TAF3: variants seen among roughly 807,000 people sequenced by gnomAD.
TAF3 encodes TATA-box binding protein associated factor 3, also known as transcription initiation factor TFIID subunit 3.
In TAF3, 7 loss-of-function variants were observed where a neutral mutation model predicts 80.6. The observed-to-expected ratio is 0.09, with a 90% confidence interval of 0.05 to 0.16. TAF3 has a LOEUF of 0.16. Ranked by LOEUF, TAF3 falls within the 10% of genes least tolerant of loss-of-function variation. The probability of loss-of-function intolerance (pLI) is 1.00; values close to 1 mark genes in which losing one functional copy is unlikely to be tolerated. For missense variants in TAF3, 921 were observed against 1,140.2 expected (o/e 0.81, Z 2.77); for synonymous variants, 444 against 446.1 (o/e 1.00, Z 0.06).
chr10:7,825,589 ATTTGTC>A (rs145692152), intron 2 of TAF3, among the ~76,000 whole-genome samples: 25,836 of 151,980 alleles, frequency 0.17, 2,630 homozygotes, highest in East Asian at 0.52. Context: ...CTTGGACATT[ATTTGTC>A]TTTTTATGAC....
At chr10:8,008,664 C>T (rs1832019929) in intron 4 of TAF3, among the ~76,000 whole-genome samples, 1 of 152,226 alleles carries the variant, frequency 6.6e-6, no homozygotes, top group African/African-American at 2.4e-5. Flanking sequence ...GCACAGGCTG[C>T]TCCAGGTCCT....
chr10:8,000,536 A>T (rs949621754), intron 4 of TAF3, among the ~76,000 whole-genome samples: 1 of 151,790 alleles, frequency 6.6e-6, no homozygotes, highest in African/African-American at 2.4e-5. Flanking sequence ...GGAGGCCGAG[A>T]TGGGAGGATC....
chr10:7,901,389 A>G (rs1159479918), intron 2 of TAF3, among the ~76,000 whole-genome samples: 2 of 152,382 alleles, frequency 1.3e-5, no homozygotes, highest in South Asian at 4.1e-4. Flanking sequence ...AAACAAAGAA[A>G]TTAATTATCC....
At chr10:7,943,139 T>C (rs1046852542) in intron 2 of TAF3, among the ~76,000 whole-genome samples, 1 of 152,212 alleles carries the variant, frequency 6.6e-6, no homozygotes, top group Non-Finnish European at 1.5e-5. Context: ...TCCGGTTCCC[T>C]GTAGCTCCGT....
chr10:7,911,727 A>G (rs1837658492), intron 2 of TAF3, among the ~76,000 whole-genome samples: 1 of 152,234 alleles, frequency 6.6e-6, no homozygotes, highest in African/African-American at 2.4e-5. Context: ...TTTTTAAATC[A>G]GAAAAATTTT....
chr10:7,895,061 A>G (rs2131166224), intron 2 of TAF3, among the ~76,000 whole-genome samples: 1 of 152,286 alleles, frequency 6.6e-6, no homozygotes, highest in South Asian at 2.1e-4. Context: ...TTTTTAGTAG[A>G]GACAGAGTTT....
intron 2 of TAF3, among the ~76,000 whole-genome samples, chr10:7,959,670 A>G (rs1838170989): frequency 6.6e-6 from 1 of 152,192 alleles, no homozygotes; most frequent in East Asian, 1.9e-4. Context: ...GTAAACCAAT[A>G]TATTTTCTAA....
At chr10:7,909,645 C>T (rs545206594) in intron 2 of TAF3, among the ~76,000 whole-genome samples, 20 of 152,140 alleles carry the variant, frequency 1.3e-4, no homozygotes, top group Non-Finnish European at 2.5e-4. Context: ...GCAATGAATC[C>T]AGGGCAAAAG....
chr10:7,871,600 T>A (rs551845357), intron 2 of TAF3, among the ~76,000 whole-genome samples: 1 of 152,030 alleles, frequency 6.6e-6, no homozygotes, highest in South Asian at 2.1e-4. Context: ...TGTGCCACCA[T>A]GCCTGGCTAA....
chr10:7,888,639 G>A (rs915558773), intron 2 of TAF3, among the ~76,000 whole-genome samples: 2 of 152,136 alleles, frequency 1.3e-5, no homozygotes, highest in African/African-American at 4.8e-5. Flanking sequence ...TTATGTAAGT[G>A]CCCTCACCAA....
chr10:7,982,451 T>G (rs986481925), intron 4 of TAF3, among the ~76,000 whole-genome samples: 1 of 152,172 alleles, frequency 6.6e-6, no homozygotes, highest in Admixed American at 6.5e-5. Flanking sequence ...CAGGCCGGAG[T>G]GCAGTGGTGT....
At position 7,863,735 on chromosome 10, in the gene TAF3, A is replaced by ACATATATATATACACATATATATATACG; in HGVS notation, c.409+39202_409+39203insGCATATATATATACACATATATATATAC. On this transcript the variant is annotated intron_variant, in intron 2 of 6. Transcript: ENST00000344293. ...TATATATATACACATATATATATAC[A>ACATATATATATACACATATATATATACG]CATATATATATACACATATATATAT... 1.4e-5 allele frequency among the ~76,000 whole-genome samples: 2 copies of ACATATATATATACACATATATATATACG among 145,986 alleles called. 1 individual carries two copies. The highest frequency in any genetic ancestry group is 3.0e-5 in the Non-Finnish European group (2 of 66,838).
chr10:7,818,970 C>A, intron 1 of TAF3, 95 bp downstream of exon 1: 1 of 1,190,856 alleles, frequency 8.4e-7, no homozygotes, highest in Non-Finnish European at 1.1e-6. Context: ...GGTGTGCATC[C>A]CGCACCCCGC....
At chr10:7,838,911 T>TTTTTTTTTG (rs1210970282) in intron 2 of TAF3, among the ~76,000 whole-genome samples, 61 of 139,522 alleles carry the variant, frequency 4.4e-4, no homozygotes, top group Middle Eastern at 3.6e-3. Flanking sequence ...ATTGCTTGTT[T>TTTTTTTTTG]TTTTTTTTTT....
At chr10:7,876,471 T>A (rs2131150369) in intron 2 of TAF3, among the ~76,000 whole-genome samples, 1 of 152,326 alleles carries the variant, frequency 6.6e-6, no homozygotes, top group East Asian at 1.9e-4. Context: ...GTTGGTTTTA[T>A]AAGAATCGAA....
intron 2 of TAF3, among the ~76,000 whole-genome samples, chr10:7,890,244 C>G (rs1162038739): frequency 2.0e-5 from 3 of 152,210 alleles, no homozygotes; most frequent in Non-Finnish European, 1.5e-5. Context: ...TCTTATCTGC[C>G]TGCTAAACTT....
At chr10:7,870,504 A>G (rs1003284636) in intron 2 of TAF3, among the ~76,000 whole-genome samples, 1 of 152,184 alleles carries the variant, frequency 6.6e-6, no homozygotes, top group Non-Finnish European at 1.5e-5. Context: ...TCATTATAAA[A>G]TACATTTTTT....
intron 2 of TAF3, among the ~76,000 whole-genome samples, chr10:7,934,634 G>C (rs369098036): frequency 6.6e-6 from 1 of 151,938 alleles, no homozygotes; most frequent in African/African-American, 2.4e-5. Flanking sequence ...TAGTAGGGAC[G>C]GAGTTTCACC....
intron 3 of TAF3, among the ~76,000 whole-genome samples, chr10:7,969,245 G>A (rs543518625): frequency 6.6e-6 from 1 of 152,080 alleles, no homozygotes; most frequent in African/African-American, 2.4e-5. Flanking sequence ...TAAGGCGGGA[G>A]GATAGCACCA....
Sources: allele counts gnomAD v4.1 joint callset (sites outside exome capture counted in the v4.1 genomes callset), GRCh38; gene constraint gnomAD v4.1.1; transcripts MANE v1.5; gene names NCBI Gene and HGNC (gene_info 2026-07-23, HGNC 2026-07-21).